ALMS1: variants seen among roughly 807,000 people sequenced by gnomAD.
ALMS1 encodes the protein ALMS1 centrosome and basal body associated protein, also known as centrosome-associated protein ALMS1.
In ALMS1, 271 loss-of-function variants were observed where a neutral mutation model predicts 352.2. The ratio of observed to expected loss-of-function variants is 0.77; its 90% CI spans 0.70 to 0.85. The LOEUF is 0.85. Ranked by LOEUF, ALMS1 falls within the 40% of genes least tolerant of loss-of-function variation. The probability of loss-of-function intolerance (pLI) is 0.00; values close to 1 mark genes in which losing one functional copy is unlikely to be tolerated. For missense variants in ALMS1, 5,445 were observed against 4,870.7 expected (o/e 1.12, Z -3.51); for synonymous variants, 1,865 against 1,761.2 (o/e 1.06, Z -1.48).
intron 20 of ALMS1, 116 bp from the exon 21 acceptor site, chr2:73,603,125 G>C: frequency 1.1e-6 from 1 of 934,162 alleles, no homozygotes; most frequent in Non-Finnish European, 1.7e-6. Context: ...TCCCCACTCA[G>C]TCTTGCCAGC....
intron 16 of ALMS1, among the ~76,000 whole-genome samples, chr2:73,583,922 C>T (rs955125507): frequency 5.3e-5 from 8 of 152,130 alleles, no homozygotes; most frequent in Non-Finnish European, 7.4e-5. Flanking sequence ...TGTGAATACT[C>T]CAACATTGTT....
intron 9 of ALMS1, among the ~76,000 whole-genome samples, chr2:73,469,213 T>G (rs1672419039): frequency 6.6e-6 from 1 of 151,820 alleles, no homozygotes. Context: ...GAAGTAAACT[T>G]TACTTATACT....
rs761759750 is a variant in ALMS1, at chr2:73,453,417, C to CT, written c.6891dup (p.Lys2298Ter). 1 of 1,613,602 alleles carries CT rather than the reference C, an allele frequency of 6.2e-7. No homozygotes were observed. Among genetic ancestry groups the CT allele is most frequent in the African/African-American group, 1.3e-5 (1 of 74,956 alleles). On this transcript the variant is annotated frameshift_variant, in exon 8 of 23. Transcript: ENST00000613296. LOFTEE classifies it high-confidence loss of function. ...ATTAGTGATATTTCATTTATACAATCTAAGAAGGTGGTTTGCTTCAAAGAA... is the reference window on the plus strand; with the variant it reads ...ATTAGTGATATTTCATTTATACAATCTTAAGAAGGTGGTTTGCTTCAAAGAA...
At chr2:73,496,988 T>C (rs1168954522) in intron 10 of ALMS1, among the ~76,000 whole-genome samples, 1 of 152,172 alleles carries the variant, frequency 6.6e-6, no homozygotes, top group Non-Finnish European at 1.5e-5. Flanking sequence ...AAATATCTCT[T>C]CACAGTATGC....
chr2:73,541,293 A>G (rs891037854), intron 12 of ALMS1, among the ~76,000 whole-genome samples: 2 of 152,238 alleles, frequency 1.3e-5, no homozygotes, highest in African/African-American at 4.8e-5. Context: ...AACGAAATGA[A>G]GGCAGAAATA....
At chr2:73,440,175 G>C (rs1432983708) in intron 7 of ALMS1, among the ~76,000 whole-genome samples, 1 of 151,970 alleles carries the variant, frequency 6.6e-6, no homozygotes, top group Non-Finnish European at 1.5e-5. Context: ...TAAAGACGGG[G>C]TTTCACCATG....
At chr2:73,522,551 C>A (rs1238017870) in intron 11 of ALMS1, among the ~76,000 whole-genome samples, 1 of 146,650 alleles carries the variant, frequency 6.8e-6, no homozygotes, top group South Asian at 2.1e-4. Context: ...CTCACTGCAA[C>A]CTGCATCTTC....
intron 2 of ALMS1, among the ~76,000 whole-genome samples, chr2:73,410,896 G>T (rs912701552): frequency 3.3e-5 from 5 of 152,016 alleles, no homozygotes; most frequent in Non-Finnish European, 5.9e-5. Context: ...TCTTTAAATT[G>T]CAGTGATTAC....
At chr2:73,430,915 G>A (rs1271458007) in intron 6 of ALMS1, among the ~76,000 whole-genome samples, 2 of 151,846 alleles carry the variant, frequency 1.3e-5, no homozygotes, top group South Asian at 2.1e-4. Context: ...ATATATTTAT[G>A]TGTATGTATA....
intron 8 of ALMS1, chr2:73,454,271 C>T: frequency 2.1e-6 from 2 of 971,082 alleles, no homozygotes; most frequent in Non-Finnish European, 2.4e-6. Flanking sequence ...CATAAAAAGC[C>T]TATTTAACCA....
rs1174217999 is a variant in ALMS1, at chr2:73,449,646, C to G, written c.3119C>G (p.Thr1040Ser). 4.3e-6 allele frequency: 7 copies of G among 1,613,960 alleles called. No individual in the cohort carries two copies. Among genetic ancestry groups the G allele is most frequent in the Non-Finnish European group, 5.9e-6 (7 of 1,179,962 alleles). The part of the protein sequence containing the change: ...STGPGPADQK[T>S]EIPAVQSSSY... The stretch of plus-strand genomic sequence containing the variant: ...GGCCCTGGACCAGCTGACCAGAAGA[C>G]TGAGATACCAGCAGTACAGTCTAGT... Residue 1040 changes from threonine (T) to serine (S), a missense_variant, in exon 8 of 23, where the codon ACT (threonine) becomes AGT (serine). Transcript: ENST00000613296.
intron 12 of ALMS1, among the ~76,000 whole-genome samples, chr2:73,536,985 G>A (rs1216668338): frequency 6.6e-6 from 1 of 152,160 alleles, no homozygotes; most frequent in Non-Finnish European, 1.5e-5. Context: ...ACCAGAGGAT[G>A]CAAAATGGAG....
chr2:73,477,931 T>G (rs926627581), intron 9 of ALMS1, among the ~76,000 whole-genome samples: 1 of 152,194 alleles, frequency 6.6e-6, no homozygotes, highest in Non-Finnish European at 1.5e-5. Flanking sequence ...TTGTACTTCT[T>G]TCTTTCCAAT....
intron 11 of ALMS1, among the ~76,000 whole-genome samples, chr2:73,534,299 G>A (rs1048073626): frequency 6.6e-6 from 1 of 152,024 alleles, no homozygotes; most frequent in Non-Finnish European, 1.5e-5. Context: ...CTCTTGCAGT[G>A]GAAACTATGT....
chr2:73,561,287 A>G (rs1487369892), intron 15 of ALMS1, among the ~76,000 whole-genome samples: 1 of 152,116 alleles, frequency 6.6e-6, no homozygotes, highest in Non-Finnish European at 1.5e-5. Flanking sequence ...GAGAACAGGA[A>G]TCTATAAACT....
In ALMS1 at chr2:73,490,668, C is replaced by T; in HGVS notation, c.8709C>T (p.His2903=). ...APRADDHVRK[H]HSPSPQHQDY... is the part of the protein sequence containing the mutation. Reference sequence around the variant, plus strand: ...GTGCAGATGACCATGTGAGGAAACACCATTCTCCCTCTCCTCAACATCAGG... The same window carrying T: ...GTGCAGATGACCATGTGAGGAAACATCATTCTCCCTCTCCTCAACATCAGG... Residue 2903 remains histidine (H), a synonymous_variant, in exon 10 of 23, where the codon CAC becomes CAT. Coordinates refer to ENST00000613296, the MANE Select transcript of ALMS1 (RefSeq NM_001378454.1). 1 of 1,614,136 alleles carries T rather than the reference C, an allele frequency of 6.2e-7. No homozygotes were observed. The highest frequency in any genetic ancestry group is 8.5e-7 in the Non-Finnish European group (1 of 1,180,016).
Position 73,450,561 on chromosome 2 carries a change from A to G in ALMS1, c.4034A>G (p.Gln1345Arg). The G allele has an allele frequency of 1.9e-6, 3 of 1,612,134 alleles. No homozygotes were observed. Among genetic ancestry groups the G allele is most frequent in the Non-Finnish European group, 2.5e-6 (3 of 1,179,660 alleles). Residue 1345 changes from glutamine (Q) to arginine (R), a missense_variant, in exon 8 of 23, where the codon CAA becomes CGA. By Grantham distance (43) the Gln-to-Arg change is conservative (BLOSUM62 1). Coordinates refer to ENST00000613296, the MANE Select transcript of ALMS1 (RefSeq NM_001378454.1). ...SHTEKPGVFY[Q>R]QVLPHSHPTE... ...ACAGAGAAGCCTGGTGTTTTCTACC[A>G]ACAGGTCTTGCCACATAGTCATCCA...
At chr2:73,553,705 C>G (rs1447168857) in intron 13 of ALMS1, among the ~76,000 whole-genome samples, 3 of 152,118 alleles carry the variant, frequency 2.0e-5, no homozygotes, top group African/African-American at 7.2e-5. Context: ...GATTTAATCA[C>G]TCAGACCATT....
chr2:73,420,181 T>G (rs1671256393), intron 3 of ALMS1, among the ~76,000 whole-genome samples: 1 of 152,160 alleles, frequency 6.6e-6, no homozygotes, highest in Non-Finnish European at 1.5e-5. Flanking sequence ...TTTTTATTCA[T>G]TCATGTAACA....
Sources: allele counts gnomAD v4.1 joint callset (sites outside exome capture counted in the v4.1 genomes callset), GRCh38; gene constraint gnomAD v4.1.1; transcripts MANE v1.5; gene names NCBI Gene and HGNC (gene_info 2026-07-23, HGNC 2026-07-21).